Variants in PDE5A observed in about 807,000 individuals in gnomAD.
PDE5A encodes cGMP-specific 3',5'-cyclic phosphodiesterase.
A neutral mutation model predicts 110.2 loss-of-function variants in PDE5A; 67 were observed. The observed-to-expected ratio is 0.61, with a 90% CI of 0.50 to 0.75. The LOEUF is 0.75. PDE5A is among the 30% of genes least tolerant of loss of function. PDE5A has a pLI of 0.00. For synonymous variants in PDE5A, 328 were observed against 351.2 expected, an observed-to-expected ratio of 0.93 and a Z score of 0.74; for missense variants, 862 against 1,045.1, an observed-to-expected ratio of 0.82 and a Z score of 2.42.
intron 1 of PDE5A, among the ~76,000 whole-genome samples, chr4:119,622,585 C>G (rs72922552): frequency 2.6e-5 from 4 of 151,850 alleles, no homozygotes; most frequent in African/African-American, 7.3e-5. Context: ...TCTTTAAAAG[C>G]TTTAAAGGCC....
chr4:119,539,745 T>C (rs1040269149), intron 10 of PDE5A, among the ~76,000 whole-genome samples: 11 of 152,102 alleles, frequency 7.2e-5, no homozygotes, highest in Non-Finnish European at 4.4e-5. Context: ...TACTTAGAGT[T>C]AAAAAATCAG....
chr4:119,572,610 A>G (rs1451072182), intron 3 of PDE5A, among the ~76,000 whole-genome samples: 1 of 152,256 alleles, frequency 6.6e-6, no homozygotes, highest in Non-Finnish European at 1.5e-5. Flanking sequence ...AGAAAATCAC[A>G]AAGAATGAGA....
rs575235788 is a variant in PDE5A at position 119,529,236 on chromosome 4, C to T, written c.1633-3541G>A. Among the ~76,000 whole-genome samples the T allele has an allele frequency of 5.3e-5, 8 of 152,108 alleles. No individual in the cohort carries two copies. The South Asian group carries it at 1.7e-3, about 32-fold the overall frequency. On this transcript the variant is annotated intron_variant, in intron 11 of 20. Coordinates refer to ENST00000354960, the MANE Select transcript of PDE5A (RefSeq NM_001083.4). ...TCTCTTCCAGGCCTCTTTGTTTCTT[C>T]TCTGCCTAGAATGCATATTCCCATG...
chr4:119,604,901 T>C (rs1290539356), intron 2 of PDE5A, among the ~76,000 whole-genome samples: 1 of 152,190 alleles, frequency 6.6e-6, no homozygotes, highest in Admixed American at 6.5e-5. Flanking sequence ...TAATACTTCT[T>C]CATCCGAAAT....
chr4:119,585,839 T>C (rs1292474336), intron 3 of PDE5A, among the ~76,000 whole-genome samples: 3 of 152,174 alleles, frequency 2.0e-5, no homozygotes, highest in Non-Finnish European at 2.9e-5. Flanking sequence ...TCCTCCTTGC[T>C]CATTTTTTCT....
chr4:119,585,624 T>C (rs554743957), intron 3 of PDE5A, among the ~76,000 whole-genome samples: 3 of 152,282 alleles, frequency 2.0e-5, no homozygotes, highest in South Asian at 2.1e-4. Flanking sequence ...ATATAATAAA[T>C]AATGAAAGTA....
chr4:119,607,164 T>A lies in PDE5A; in HGVS notation c.286A>T (p.Thr96Ser). 6.2e-7 allele frequency: 1 copy of A among 1,614,138 alleles called. No individual in the cohort carries two copies. The highest frequency in any genetic ancestry group is 8.5e-7 in the Non-Finnish European group (1 of 1,180,012). Reference sequence around the variant, plus strand: ...GAGGCAGAGATTTTCCTGGTTGGTGTTCCAGGGGCACTGTTATCTGCACGA... The same window carrying A: ...GAGGCAGAGATTTTCCTGGTTGGTGATCCAGGGGCACTGTTATCTGCACGA... ...SPRADNSAPGTPTRKISASEF... is the reference protein window; with the variant it reads ...SPRADNSAPGSPTRKISASEF... The change falls in exon 2 of 21, where the codon ACA (threonine) becomes TCA (serine). Residue 96 changes from threonine (T) to serine (S), a missense_variant. Coordinates refer to ENST00000354960, the MANE Select transcript of PDE5A (RefSeq NM_001083.4).
chr4:119,528,647 T>G (rs996397177), intron 11 of PDE5A: 12 of 152,164 alleles, frequency 7.9e-5, no homozygotes, highest in African/African-American at 2.9e-4. Context: ...TCTGCCTGCT[T>G]TTTTGAACGT....
In PDE5A at chr4:119,553,702, A is replaced by T; in HGVS notation, c.1244T>A (p.Val415Asp). 6.2e-7 allele frequency: 1 copy of T among 1,600,094 alleles called. No homozygotes were observed. Among genetic ancestry groups the T allele is most frequent in the Non-Finnish European group, 8.6e-7 (1 of 1,167,554 alleles). The change falls in exon 8 of 21, where the codon GTC becomes GAC. Residue 415 changes from valine (V) to aspartate (D), a missense_variant. Transcript: ENST00000354960. ...ATTAAGTGGTTCCATAGTATTTTTG[A>T]CATACTGAGCATACATGTAATTGAT... The part of the protein sequence containing the change: ...NKINYMYAQY[V>D]KNTMEPLNIP...
At chr4:119,590,591 C>T (rs1728931071) in intron 3 of PDE5A, among the ~76,000 whole-genome samples, 1 of 152,050 alleles carries the variant, frequency 6.6e-6, no homozygotes, top group Non-Finnish European at 1.5e-5. Flanking sequence ...TCAAAAATTA[C>T]CATCACAGAT....
chr4:119,558,817 T>G (rs1177553332), intron 7 of PDE5A, among the ~76,000 whole-genome samples: 1 of 146,422 alleles, frequency 6.8e-6, no homozygotes, highest in Admixed American at 7.0e-5. Context: ...CTTGGGAGGC[T>G]GAGGCGGGAG....
At chr4:119,531,057 A>G (rs565571019) in intron 11 of PDE5A, among the ~76,000 whole-genome samples, 1 of 152,298 alleles carries the variant, frequency 6.6e-6, no homozygotes, top group African/African-American at 2.4e-5. Context: ...CAGGATGAGA[A>G]AGCAGTGACC....
chr4:119,557,985 C>T (rs745729519), intron 7 of PDE5A, among the ~76,000 whole-genome samples: 1 of 152,136 alleles, frequency 6.6e-6, no homozygotes, highest in Non-Finnish European at 1.5e-5. Context: ...CATTTTATGA[C>T]ACAAATGTGC....
At chr4:119,539,128 T>G in intron 10 of PDE5A, 109 bp from the exon 11 acceptor site, 5 of 799,074 alleles carry the variant, frequency 6.3e-6, no homozygotes, top group Non-Finnish European at 1.1e-5. Context: ...ATAATTAGAC[T>G]CCTCAGAATG....
chr4:119,553,684 G>A lies in PDE5A; in HGVS notation c.1262C>T (p.Pro421Leu). ...CTTACTGACATCTGGGATATTAAGT[G>A]GTTCCATAGTATTTTTGACATACTG... ...YAQYVKNTME[P>L]LNIPDVSKDK... Residue 421 changes from proline (P) to leucine (L), a missense_variant, in exon 8 of 21, where the codon CCA becomes CTA. Pro to Leu is a moderately conservative substitution (Grantham distance 98, BLOSUM62 -3). Coordinates refer to ENST00000354960, the MANE Select transcript of PDE5A (RefSeq NM_001083.4). 6.3e-7 allele frequency: 1 copy of A among 1,599,158 alleles called. No homozygotes were observed. The highest frequency in any genetic ancestry group is 1.1e-5 in the South Asian group (1 of 90,746).
intron 3 of PDE5A, among the ~76,000 whole-genome samples, chr4:119,572,699 C>T (rs1399126177): frequency 6.6e-6 from 1 of 152,142 alleles, no homozygotes; most frequent in Admixed American, 6.5e-5. Context: ...GGGTCTACCC[C>T]CCAAATTTCA....
chr4:119,602,233 T>C (rs971391753), intron 2 of PDE5A, among the ~76,000 whole-genome samples: 12 of 152,154 alleles, frequency 7.9e-5, no homozygotes, highest in Admixed American at 5.9e-4. Flanking sequence ...AGTAAAAACA[T>C]ATCTTTAGCT....
At chr4:119,563,636 G>A (rs781027372) in intron 5 of PDE5A, among the ~76,000 whole-genome samples, 20 of 152,126 alleles carry the variant, frequency 1.3e-4, no homozygotes, top group Non-Finnish European at 1.9e-4. Context: ...GTGGTATACT[G>A]AAAGTTTTGA....
chr4:119,531,805 C>T (rs1451200877), intron 11 of PDE5A, among the ~76,000 whole-genome samples: 5 of 151,976 alleles, frequency 3.3e-5, no homozygotes, highest in Non-Finnish European at 5.9e-5. Context: ...CTTTTATTAT[C>T]CTAATTTTGC....
Sources: gnomAD v4.1 joint callset for allele counts (sites outside exome capture counted in the v4.1 genomes callset) on GRCh38, gnomAD v4.1.1 for gene constraint, MANE v1.5 for transcripts, NCBI Gene and HGNC (gene_info 2026-07-23, HGNC 2026-07-21) for gene names.